The following IL1RAPL1 variants were observed in gnomAD, a reference collection of about 807,000 sequenced individuals.
IL1RAPL1 encodes the protein interleukin 1 receptor accessory protein like 1.
A neutral mutation model predicts 48.4 loss-of-function variants in IL1RAPL1; 3 were observed. That is an observed-to-expected ratio of 0.06 (90% confidence interval 0.03 to 0.16). The LOEUF is 0.16. Among genes scored for constraint, IL1RAPL1 ranks in the 10% least tolerant of loss-of-function variants. The pLI, the probability that IL1RAPL1 is intolerant of heterozygous loss-of-function variation, is 1.00. For missense variants in IL1RAPL1, 349 were observed against 530.6 expected, an observed-to-expected ratio of 0.66 and a Z score of 3.36; for synonymous variants, 185 against 187.7, an observed-to-expected ratio of 0.99 and a Z score of 0.12.
intron 6 of IL1RAPL1, among the ~76,000 whole-genome samples, chrX:29,721,416 A>T (rs9887380): frequency 0.1 from 11,573 of 111,211 alleles, 1,455 homozygotes; most frequent in African/African-American, 0.35. Context: ...CACATTGAAC[A>T]TACTTGTTGA....
intron 1 of IL1RAPL1, among the ~76,000 whole-genome samples, chrX:28,700,931 A>G (rs1458391448): frequency 9.0e-6 from 1 of 111,423 alleles, no homozygotes; most frequent in African/African-American, 3.3e-5. Flanking sequence ...TATGTGCCAC[A>G]TTTTCTTTAT....
intron 2 of IL1RAPL1, among the ~76,000 whole-genome samples, chrX:28,883,904 C>A (rs1327795555): frequency 2.7e-5 from 3 of 111,487 alleles, no homozygotes; most frequent in African/African-American, 9.8e-5. Flanking sequence ...AGAAGTGTTT[C>A]TTTTGTTCTT....
intron 6 of IL1RAPL1, among the ~76,000 whole-genome samples, chrX:29,851,479 C>T (rs1198653477): frequency 8.9e-6 from 1 of 112,058 alleles, no homozygotes; most frequent in African/African-American, 3.2e-5. Flanking sequence ...ATGTAGAGCC[C>T]TGAAGGAGAA....
At chrX:29,444,530 A>G (rs1422971772) in intron 5 of IL1RAPL1, among the ~76,000 whole-genome samples, 2 of 109,911 alleles carry the variant, frequency 1.8e-5, no homozygotes, top group East Asian at 5.8e-4. Flanking sequence ...AACAGAAAAC[A>G]GAAAAAACCT....
At chrX:29,372,219 G>A (rs1417938417) in intron 3 of IL1RAPL1, among the ~76,000 whole-genome samples, 2 of 111,977 alleles carry the variant, frequency 1.8e-5, no homozygotes, top group Non-Finnish European at 3.8e-5. Flanking sequence ...TTGCTTGTAT[G>A]TCTTCCTTTG....
chrX:29,060,238 A>G (rs1927312068), intron 2 of IL1RAPL1, among the ~76,000 whole-genome samples: 1 of 111,872 alleles, frequency 8.9e-6, no homozygotes, highest in Non-Finnish European at 1.9e-5. Context: ...TGAAGTAGGA[A>G]TACACACATA....
intron 6 of IL1RAPL1, among the ~76,000 whole-genome samples, chrX:29,682,460 T>A (rs1433163437): frequency 2.7e-5 from 3 of 111,309 alleles, no homozygotes; most frequent in African/African-American, 9.8e-5. Flanking sequence ...AACCTCAATG[T>A]CACCCCAATG....
At chrX:29,891,205 G>A (rs1276601931) in intron 6 of IL1RAPL1, among the ~76,000 whole-genome samples, 1 of 108,802 alleles carries the variant, frequency 9.2e-6, no homozygotes, top group Non-Finnish European at 1.9e-5. Context: ...TCCCAGTTTC[G>A]TTTTTATGAA....
rs751910475 is a variant in IL1RAPL1 at position 29,236,848 on chromosome X, C to A, written c.83-46090C>A. ...CCTCCCAAAGTGCTGGGATTACAGGCATGAGCCACCGCACCTGGCCCCATT... is the reference window on the plus strand; with the variant it reads ...CCTCCCAAAGTGCTGGGATTACAGGAATGAGCCACCGCACCTGGCCCCATT... On this transcript the variant is annotated intron_variant, in intron 2 of 10. Coordinates refer to ENST00000378993, the MANE Select transcript of IL1RAPL1 (RefSeq NM_014271.4). Among the ~76,000 whole-genome samples, 8 of 109,259 alleles carry A rather than the reference C, an allele frequency of 7.3e-5. No individual in the cohort carries two copies. In the East Asian group the frequency reaches 2.3e-3, roughly 32 times the overall value. The allele number at this position is 109,259 out of a possible 115,157, so 94.9% of individuals were successfully genotyped here. A position where few individuals can be genotyped will look rare whatever the true frequency, so the allele number is the denominator to read the frequency against.
intron 5 of IL1RAPL1, among the ~76,000 whole-genome samples, chrX:29,476,169 A>G (rs969588390): frequency 9.0e-6 from 1 of 111,512 alleles, no homozygotes; most frequent in Non-Finnish European, 1.9e-5. Context: ...GGACTGAACA[A>G]GATATCTCAA....
intron 5 of IL1RAPL1, among the ~76,000 whole-genome samples, chrX:29,514,674 C>T (rs768908598): frequency 3.0e-4 from 34 of 112,536 alleles, no homozygotes; most frequent in Admixed American, 1.0e-3. Flanking sequence ...GTCTTGAACT[C>T]CTGACCTTGA....
At chrX:29,156,376 T>G (rs1929569550) in intron 2 of IL1RAPL1, among the ~76,000 whole-genome samples, 2 of 111,943 alleles carry the variant, frequency 1.8e-5, no homozygotes, top group African/African-American at 6.5e-5. Context: ...GACTTCGACT[T>G]AAACTCTATC....
At chrX:29,099,097 A>G (rs2147462090) in intron 2 of IL1RAPL1, among the ~76,000 whole-genome samples, 1 of 111,933 alleles carries the variant, frequency 8.9e-6, no homozygotes, top group African/African-American at 3.2e-5. Context: ...GGTTGCAGTG[A>G]CCCAAGATCA....
At chrX:28,665,757 C>T (rs1432571491) in intron 1 of IL1RAPL1, among the ~76,000 whole-genome samples, 2 of 112,018 alleles carry the variant, frequency 1.8e-5, no homozygotes, top group Non-Finnish European at 3.8e-5. Flanking sequence ...TCCCACAGTG[C>T]TGGGATTACA....
intron 5 of IL1RAPL1, among the ~76,000 whole-genome samples, chrX:29,464,247 C>T (rs962862582): frequency 1.8e-5 from 2 of 111,745 alleles, no homozygotes; most frequent in Non-Finnish European, 3.8e-5. Flanking sequence ...TACCATGAGA[C>T]TTAAAAAGCC....
At chrX:29,707,549 TCAA>T (rs1159355923) in intron 6 of IL1RAPL1, among the ~76,000 whole-genome samples, 1 of 112,039 alleles carries the variant, frequency 8.9e-6, no homozygotes, top group Non-Finnish European at 1.9e-5. Context: ...TGCCCATCAA[TCAA>T]CAAGTGGATA....
rs1259173051 is a variant in IL1RAPL1, at chrX:29,343,698, T to C, written c.363-52560T>C. 3.7e-5 allele frequency among the ~76,000 whole-genome samples: 4 copies of C among 106,878 alleles called. No individual in the cohort carries two copies. In the East Asian group the frequency reaches 1.1e-3, roughly 30 times the overall value. 92.8% of individuals were successfully genotyped at this position (106,878 alleles called of 115,157 possible). A position where few individuals can be genotyped will look rare whatever the true frequency, so the allele number is the denominator to read the frequency against. ...ACACTCCATAAAGTGCGAGTCAACT[T>C]GATGATATTCTATGAGAAAAGATTG... On this transcript the variant is annotated intron_variant, in intron 3 of 10. Transcript: ENST00000378993.
intron 5 of IL1RAPL1, among the ~76,000 whole-genome samples, chrX:29,444,618 T>C (rs1300706642): frequency 9.0e-6 from 1 of 111,472 alleles, no homozygotes; most frequent in Admixed American, 9.6e-5. Context: ...TGGACAAGCA[T>C]TTCCCCAGCC....
At chrX:29,059,241 T>G (rs1474588770) in intron 2 of IL1RAPL1, among the ~76,000 whole-genome samples, 2 of 111,865 alleles carry the variant, frequency 1.8e-5, no homozygotes, top group Non-Finnish European at 3.8e-5. Context: ...TGTGTTAGAC[T>G]ATGGAAAGCC....
Sources: gnomAD v4.1 joint callset for allele counts (sites outside exome capture counted in the v4.1 genomes callset) on GRCh38, gnomAD v4.1.1 for gene constraint, MANE v1.5 for transcripts, NCBI Gene and HGNC (gene_info 2026-07-23, HGNC 2026-07-21) for gene names.